ABI1: variants seen among roughly 807,000 people sequenced by gnomAD.
ABI1 encodes Abelson interactor 1.
ABI1 carries 14 observed loss-of-function variants against 54.6 expected under a neutral mutation model. The observed-to-expected ratio is 0.26, with a 90% CI of 0.17 to 0.40. The LOEUF is 0.40. ABI1 is among the 10% of genes least tolerant of loss of function. The pLI is 1.00. For synonymous variants in ABI1, 194 were observed against 209.3 expected (o/e 0.93, Z 0.63); for missense variants, 443 against 598.3 (o/e 0.74, Z 2.71).
chr10:26,762,770 T>A (rs151100030), intron 7 of ABI1, among the ~76,000 whole-genome samples: 7 of 152,316 alleles, frequency 4.6e-5, no homozygotes, highest in African/African-American at 1.7e-4. Flanking sequence ...ATCTTGGTAA[T>A]CCTCAGGGGT....
intron 1 of ABI1, among the ~76,000 whole-genome samples, chr10:26,828,964 C>T (rs1327278150): frequency 1.3e-5 from 2 of 152,334 alleles, no homozygotes; most frequent in African/African-American, 2.4e-5. Flanking sequence ...CGGTGGCTCA[C>T]GCCTGTAATC....
At chr10:26,776,226 C>T (rs1352597192) in intron 3 of ABI1, among the ~76,000 whole-genome samples, 2 of 152,184 alleles carry the variant, frequency 1.3e-5, no homozygotes. Context: ...ACTCCTCTCT[C>T]GACCAGGAAC....
chr10:26,767,461 T>A (rs914393359), intron 6 of ABI1, among the ~76,000 whole-genome samples: 1 of 152,160 alleles, frequency 6.6e-6, no homozygotes, highest in Non-Finnish European at 1.5e-5. Flanking sequence ...AACTGAAGAA[T>A]AAAACAAATT....
At position 26,748,446 on chromosome 10, in the gene ABI1, C is replaced by A. The variant is rs1294337467; in HGVS notation, c.*124G>T. On this transcript the variant is annotated 3_prime_UTR_variant, in exon 11 of 11. Coordinates refer to ENST00000376140, the MANE Select transcript of ABI1 (RefSeq NM_001012750.3). ...GCTTACAGGTAGACATTCAATTTAC[C>A]AATAAAACAGCATGTTCTGAAAATA... 2.8e-6 allele frequency: 2 copies of A among 705,942 alleles called. No homozygotes were observed. Among genetic ancestry groups the A allele is most frequent in the Admixed American group, 3.1e-5 (1 of 31,948 alleles). The allele number at this position is 705,942 out of a possible 1,614,324, so 43.7% of individuals were successfully genotyped here.
chr10:26,813,576 C>T (rs2047374165), intron 2 of ABI1, among the ~76,000 whole-genome samples: 1 of 152,178 alleles, frequency 6.6e-6, no homozygotes, highest in Non-Finnish European at 1.5e-5. Context: ...TCTGACTGAT[C>T]TAAAGACTCC....
chr10:26,813,995 C>T (rs2047401286), intron 2 of ABI1, among the ~76,000 whole-genome samples: 1 of 152,198 alleles, frequency 6.6e-6, no homozygotes, highest in African/African-American at 2.4e-5. Flanking sequence ...AACCAGAGCA[C>T]TGACTCAGTT....
Position 26,823,230 on chromosome 10 carries a change from T to C in ABI1, c.193A>G (p.Ile65Val), listed in dbSNP as rs764101055. 1.2e-6 allele frequency: 2 copies of C among 1,606,486 alleles called. No homozygotes were observed. The highest frequency in any genetic ancestry group is 1.3e-5 in the African/African-American group (1 of 74,562). Reference sequence around the variant, plus strand: ...AGTACATTGTTGGCCAATGCATTTATTTGATAAGCAACACTAGCTAGAGAT... The same window carrying C: ...AGTACATTGTTGGCCAATGCATTTACTTGATAAGCAACACTAGCTAGAGAT... The part of the protein sequence containing the change: ...TQSLASVAYQ[I>V]NALANNVLQL... Residue 65 changes from isoleucine to valine, a missense_variant, in exon 2 of 11, where the codon ATA (isoleucine) becomes GTA (valine). Physicochemically the swap from Ile to Val is conservative, Grantham distance 29. Around this residue, in one of 2 missense-constraint regions of ABI1, gnomAD observed 394 missense variants for 484.8 expected, o/e 0.81. Transcript: ENST00000376140.
At chr10:26,821,039 T>C (rs2133765446) in intron 2 of ABI1, among the ~76,000 whole-genome samples, 1 of 151,770 alleles carries the variant, frequency 6.6e-6, no homozygotes. Flanking sequence ...GCCCAGGAGT[T>C]TGAGACCAGC....
At chr10:26,846,760 T>C (rs973434669) in intron 1 of ABI1, among the ~76,000 whole-genome samples, 5 of 152,200 alleles carry the variant, frequency 3.3e-5, no homozygotes, top group African/African-American at 4.8e-5. Flanking sequence ...AGTACACAAG[T>C]GTGTAACTTG....
chr10:26,795,121 G>A (rs1410618180), intron 2 of ABI1, among the ~76,000 whole-genome samples: 1 of 149,748 alleles, frequency 6.7e-6, no homozygotes, highest in African/African-American at 2.5e-5. Flanking sequence ...TCCAGCCTGG[G>A]CGACAGAGCG....
intron 1 of ABI1, among the ~76,000 whole-genome samples, chr10:26,825,030 G>A (rs2048220855): frequency 6.6e-6 from 1 of 152,188 alleles, no homozygotes; most frequent in South Asian, 2.1e-4. Flanking sequence ...ATATTTGTGT[G>A]CTGGTGGAGG....
chr10:26,824,536 C>T (rs931838530), intron 1 of ABI1, among the ~76,000 whole-genome samples: 2 of 151,912 alleles, frequency 1.3e-5, no homozygotes, highest in Non-Finnish European at 2.9e-5. Context: ...TATTATACTG[C>T]CATAATAAGG....
intron 9 of ABI1, among the ~76,000 whole-genome samples, chr10:26,754,348 A>C (rs541851407): frequency 6.6e-6 from 1 of 152,258 alleles, no homozygotes; most frequent in East Asian, 1.9e-4. Flanking sequence ...CAGTCTTGCC[A>C]TGTTGCCCAG....
intron 2 of ABI1, among the ~76,000 whole-genome samples, chr10:26,806,496 G>A (rs2046886443): frequency 6.6e-6 from 1 of 152,166 alleles, no homozygotes; most frequent in South Asian, 2.1e-4. Flanking sequence ...AGGTTTGTGG[G>A]TGTCAAGAGG....
chr10:26,805,164 T>C (rs1477614125), intron 2 of ABI1, among the ~76,000 whole-genome samples: 1 of 152,110 alleles, frequency 6.6e-6, no homozygotes, highest in East Asian at 1.9e-4. Flanking sequence ...ATGGCAGAAA[T>C]AGGAGAGTTG....
At chr10:26,814,513 A>G (rs1311888710) in intron 2 of ABI1, among the ~76,000 whole-genome samples, 1 of 152,236 alleles carries the variant, frequency 6.6e-6, no homozygotes, top group Non-Finnish European at 1.5e-5. Context: ...GATGTGAAAG[A>G]ATTTAACAGT....
intron 1 of ABI1, among the ~76,000 whole-genome samples, chr10:26,846,519 T>G (rs2049991942): frequency 6.6e-6 from 1 of 151,982 alleles, no homozygotes; most frequent in African/African-American, 2.4e-5. Flanking sequence ...ATGTTTGTAT[T>G]TTTAGTAGAG....
intron 1 of ABI1, among the ~76,000 whole-genome samples, chr10:26,848,605 CTTTTT>C (rs35694402): frequency 1.0e-4 from 11 of 107,380 alleles, no homozygotes; most frequent in African/African-American, 2.9e-4. Flanking sequence ...TAAGAAGAGG[CTTTTT>C]TTTTTTTTTT....
At chr10:26,843,739 T>C (rs1462222971) in intron 1 of ABI1, among the ~76,000 whole-genome samples, 8 of 149,810 alleles carry the variant, frequency 5.3e-5, no homozygotes, top group Admixed American at 2.0e-4. Flanking sequence ...GTAGGAGAGG[T>C]AGGATGGGTG....
Sources: allele counts gnomAD v4.1 joint callset (sites outside exome capture counted in the v4.1 genomes callset), GRCh38; gene constraint gnomAD v4.1.1; regional missense constraint gnomAD v4.1.1; transcripts MANE v1.5; gene names NCBI Gene and HGNC (gene_info 2026-07-23, HGNC 2026-07-21).